Variants in CAST observed in about 807,000 individuals in gnomAD.
CAST encodes calpastatin.
In CAST, 76 loss-of-function variants were observed where a neutral mutation model predicts 119.6. The observed-to-expected ratio is 0.64, with a 90% CI of 0.53 to 0.77. The LOEUF (loss-of-function observed/expected upper bound fraction) is 0.77. Among genes scored for constraint, CAST ranks in the 30% least tolerant of loss-of-function variants. The pLI is 0.00. For synonymous variants in CAST, 319 were observed against 331.6 expected, an observed-to-expected ratio of 0.96 and a Z score of 0.41; for missense variants, 953 against 946.5, an observed-to-expected ratio of 1.01 and a Z score of -0.09.
intron 1 of CAST, among the ~76,000 whole-genome samples, chr5:96,599,242 A>AG (rs969921998): frequency 2.2e-4 from 34 of 152,326 alleles, no homozygotes; most frequent in African/African-American, 8.2e-4. Context: ...ATCTTAACTT[A>AG]GGGGGTGAAA....
chr5:96,557,215 A>G (rs2150183549), intron 1 of CAST, among the ~76,000 whole-genome samples: 1 of 152,226 alleles, frequency 6.6e-6, no homozygotes, highest in East Asian at 1.9e-4. Context: ...GGAAGCACTA[A>G]ACATGGAAAG....
At chr5:96,323,543 A>G in the CAST span, among the ~76,000 whole-genome samples, 6 of 152,284 alleles carry the variant, frequency 3.9e-5, no homozygotes, top group South Asian at 1.2e-3. Flanking sequence ...TTTCAGGTGC[A>G]TGACTTAAGA....
the CAST span, among the ~76,000 whole-genome samples, chr5:95,975,682 G>C: frequency 6.6e-6 from 1 of 152,132 alleles, no homozygotes; most frequent in African/African-American, 2.4e-5. Flanking sequence ...AGTATAAATA[G>C]ACTTAAGTTA....
intron 1 of CAST, among the ~76,000 whole-genome samples, chr5:96,594,004 A>T (rs1306101891): frequency 6.6e-6 from 1 of 152,228 alleles, no homozygotes; most frequent in Non-Finnish European, 1.5e-5. Flanking sequence ...GCCAAAGATC[A>T]CAGAATTCCA....
chr5:96,121,567 G>A, the CAST span, among the ~76,000 whole-genome samples: 3 of 151,840 alleles, frequency 2.0e-5, no homozygotes, highest in East Asian at 1.9e-4. Context: ...CACAGTCAGC[G>A]TTTTGGCGGT....
chr5:96,579,149 T>A (rs1746727578), intron 1 of CAST, among the ~76,000 whole-genome samples: 1 of 152,186 alleles, frequency 6.6e-6, no homozygotes, highest in South Asian at 2.1e-4. Context: ...CCTGTTCCCA[T>A]GTGTCCCAGT....
the CAST span, among the ~76,000 whole-genome samples, chr5:96,236,928 G>A: frequency 7.9e-5 from 12 of 152,152 alleles, no homozygotes; most frequent in African/African-American, 2.2e-4. Context: ...CTCAAATGCC[G>A]TGGCCTCTTT....
chr5:96,273,388 G>A, the CAST span, among the ~76,000 whole-genome samples: 1 of 152,174 alleles, frequency 6.6e-6, no homozygotes, highest in African/African-American at 2.4e-5. Context: ...GTTGAGGAAA[G>A]AATATCTAGA....
the CAST span, among the ~76,000 whole-genome samples, chr5:96,274,068 G>C: frequency 6.6e-6 from 1 of 151,774 alleles, no homozygotes; most frequent in East Asian, 1.9e-4. Context: ...TGGAAGGGAT[G>C]GTGTGAGAGA....
the CAST span, among the ~76,000 whole-genome samples, chr5:96,294,274 G>A: frequency 2.0e-5 from 3 of 152,158 alleles, no homozygotes; most frequent in Admixed American, 2.0e-4. Context: ...TGGACTTAGA[G>A]TCACAATGGT....
chr5:96,762,188 A>C, intron 24 of CAST, 86 bp from the exon 25 acceptor site: 1 of 704,458 alleles, frequency 1.4e-6, no homozygotes, highest in Non-Finnish European at 2.3e-6. Flanking sequence ...TCATTAAGCT[A>C]TCTTTAAGAG....
chr5:96,108,597 G>A, the CAST span, among the ~76,000 whole-genome samples: 1 of 152,216 alleles, frequency 6.6e-6, no homozygotes, highest in Non-Finnish European at 1.5e-5. Context: ...ATCTCCAGCT[G>A]CATTCTGGGA....
At chr5:96,353,968 T>G in the CAST span, among the ~76,000 whole-genome samples, 3 of 152,200 alleles carry the variant, frequency 2.0e-5, no homozygotes, top group Non-Finnish European at 4.4e-5. Flanking sequence ...TCATATAGTC[T>G]TCCACATCTC....
At position 96,762,298 on chromosome 5, in the gene CAST, G is replaced by A; in HGVS notation, c.1858G>A (p.Ala620Thr). ...GAAATTTGAAGATGCTAAACTTGCT[G>A]CTGCCATCTCTGAAGTGGTTTCCCA... Reference protein sequence around the residue: ...SLKFEDAKLAAAISEVVSQTP... With the variant: ...SLKFEDAKLATAISEVVSQTP... Residue 620 changes from alanine (A) to threonine (T), a missense_variant, in exon 25 of 32, where the codon GCT becomes ACT. Transcript: ENST00000675179. 3 of 1,607,652 alleles carry A rather than the reference G, an allele frequency of 1.9e-6. No homozygotes were observed. The Admixed American group carries it at 5.2e-5, about 28-fold the overall frequency.
At chr5:96,022,340 CAT>C in the CAST span, among the ~76,000 whole-genome samples, 2 of 152,116 alleles carry the variant, frequency 1.3e-5, no homozygotes, top group African/African-American at 2.4e-5. Flanking sequence ...CTATCATAAA[CAT>C]GTGTCAAAAA....
At chr5:96,096,510 A>C in the CAST span, among the ~76,000 whole-genome samples, 4 of 152,216 alleles carry the variant, frequency 2.6e-5, no homozygotes, top group African/African-American at 9.6e-5. Flanking sequence ...CCATTGGCCT[A>C]ACCATTCCTG....
chr5:96,013,155 C>T, the CAST span, among the ~76,000 whole-genome samples: 1 of 151,548 alleles, frequency 6.6e-6, no homozygotes, highest in Non-Finnish European at 1.5e-5. Flanking sequence ...ACAGAAAACA[C>T]ATTCACTTGA....
chr5:96,261,537 T>C, the CAST span, among the ~76,000 whole-genome samples: 2 of 152,158 alleles, frequency 1.3e-5, no homozygotes, highest in African/African-American at 4.8e-5. Context: ...AAGAGCAGGA[T>C]TTACAGTAAG....
the CAST span, among the ~76,000 whole-genome samples, chr5:96,462,145 T>G: frequency 6.6e-6 from 1 of 152,104 alleles, no homozygotes. Context: ...TGCTGTTTGC[T>G]TACCATAGTC....
Sources: gnomAD v4.1 joint callset for allele counts (sites outside exome capture counted in the v4.1 genomes callset) on GRCh38, gnomAD v4.1.1 for gene constraint, MANE v1.5 for transcripts, NCBI Gene and HGNC (gene_info 2026-07-23, HGNC 2026-07-21) for gene names.